Variants in UBTD2 observed in about 807,000 individuals in gnomAD.
The protein encoded by UBTD2 is ubiquitin domain-containing protein 2.
In UBTD2, 9 loss-of-function variants were observed where a neutral mutation model predicts 19.8. The ratio of observed to expected loss-of-function variants is 0.46; its 90% CI spans 0.27 to 0.79. The LOEUF (loss-of-function observed/expected upper bound fraction) is 0.79. UBTD2 is among the 30% of genes least tolerant of loss of function. UBTD2 has a pLI of 0.14. For missense variants in UBTD2, 250 were observed against 300.4 expected (o/e 0.83, Z 1.24); for synonymous variants, 98 against 103.9 (o/e 0.94, Z 0.35).
rs761170533 is a variant in UBTD2, at chr5:172,283,110, C to T, written c.70+486G>A. 6.6e-6 allele frequency among the ~76,000 whole-genome samples: 1 copy of T among 152,144 alleles called. No individual in the cohort carries two copies. The highest frequency in any genetic ancestry group is 1.5e-5 in the Non-Finnish European group (1 of 68,026). On this transcript the variant is annotated intron_variant, in intron 1 of 2. Transcript: ENST00000393792. The surrounding 1 kb of genome is among the most constrained non-coding windows in gnomAD (Gnocchi z 4.3). Reference sequence around the variant, plus strand: ...TTTAAATGGCCAATCTGGAACCAACCGGGGCAGCTGTCATCTGAAACTCAG... The same window carrying T: ...TTTAAATGGCCAATCTGGAACCAACTGGGGCAGCTGTCATCTGAAACTCAG...
intron 1 of UBTD2, among the ~76,000 whole-genome samples, chr5:172,243,970 G>C (rs1234704875): frequency 2.6e-5 from 4 of 152,014 alleles, no homozygotes. Flanking sequence ...CAGAGATCAA[G>C]AGGGTTGCCT....
chr5:172,269,739 TAA>T (rs376285062), intron 1 of UBTD2, among the ~76,000 whole-genome samples: 54 of 114,162 alleles, frequency 4.7e-4, no homozygotes, highest in Admixed American at 8.4e-4. Context: ...CATGTGCATG[TAA>T]AAAAAAAAAA....
At chr5:172,220,854 T>C (rs1771636712) in intron 2 of UBTD2, among the ~76,000 whole-genome samples, 1 of 152,182 alleles carries the variant, frequency 6.6e-6, no homozygotes, top group Non-Finnish European at 1.5e-5. Flanking sequence ...GATGACATAC[T>C]GTCTATGTAA....
In UBTD2 at chr5:172,283,475, C is replaced by G. The variant is rs1468494132; in HGVS notation, c.70+121G>C. 28 of 720,012 alleles carry G rather than the reference C, an allele frequency of 3.9e-5. No individual in the cohort carries two copies. The highest frequency in any genetic ancestry group is 5.1e-5 in the Non-Finnish European group (27 of 529,026). 44.6% of individuals were successfully genotyped at this position (720,012 alleles called of 1,614,324 possible). Reference sequence around the variant, plus strand: ...GCCGGAAGCGGAGCGCGGGGAATGACGTGGAAGAGGGGATGACAAAGGGGC... The same window carrying G: ...GCCGGAAGCGGAGCGCGGGGAATGAGGTGGAAGAGGGGATGACAAAGGGGC... On this transcript the variant is annotated intron_variant, in intron 1 of 2. Coordinates refer to ENST00000393792, the MANE Select transcript of UBTD2 (RefSeq NM_152277.3). The surrounding 1 kb of genome is among the most constrained non-coding windows in gnomAD (Gnocchi z 4.3).
intron 1 of UBTD2, chr5:172,255,526 C>A (rs1274895037): frequency 3.2e-6 from 1 of 312,060 alleles, no homozygotes; most frequent in Non-Finnish European, 6.6e-6. Context: ...CAGATCCGGG[C>A]TGCCTGGAGG....
chr5:172,274,868 C>G (rs1755576094), intron 1 of UBTD2, among the ~76,000 whole-genome samples: 1 of 152,096 alleles, frequency 6.6e-6, no homozygotes, highest in African/African-American at 2.4e-5. Flanking sequence ...AACCCCAACT[C>G]TACTAAAAAT....
chr5:172,258,672 T>G (rs1173501352), intron 1 of UBTD2, among the ~76,000 whole-genome samples: 2 of 152,208 alleles, frequency 1.3e-5, no homozygotes, highest in Non-Finnish European at 2.9e-5. Flanking sequence ...GATCTTTCAC[T>G]TCCCGCGTTG....
At chr5:172,249,983 G>A (rs1754960596) in intron 1 of UBTD2, among the ~76,000 whole-genome samples, 1 of 152,120 alleles carries the variant, frequency 6.6e-6, no homozygotes, top group Non-Finnish European at 1.5e-5. Flanking sequence ...CTAAGATTAG[G>A]ACGCCAAGGT....
intron 1 of UBTD2, among the ~76,000 whole-genome samples, chr5:172,264,822 G>A (rs1755341472): frequency 6.6e-6 from 1 of 152,098 alleles, no homozygotes; most frequent in Admixed American, 6.6e-5. Context: ...GCTGCAGTGA[G>A]CTGTGGTTGT....
At chr5:172,242,432 G>A (rs1772150984) in intron 1 of UBTD2, 1 of 985,220 alleles carries the variant, frequency 1.0e-6, no homozygotes, top group African/African-American at 1.7e-5. Context: ...ATTTGATGTA[G>A]GCCAGCATTT....
chr5:172,282,606 C>A (rs1755739632), intron 1 of UBTD2, among the ~76,000 whole-genome samples: 1 of 152,190 alleles, frequency 6.6e-6, no homozygotes, highest in Non-Finnish European at 1.5e-5. Flanking sequence ...CATTTTAAGG[C>A]AGCTAACATT....
intron 1 of UBTD2, among the ~76,000 whole-genome samples, chr5:172,267,273 C>G (rs1051193650): frequency 6.6e-6 from 1 of 152,154 alleles, no homozygotes; most frequent in Non-Finnish European, 1.5e-5. Flanking sequence ...CTTACGCCAC[C>G]AGGTCAAAAT....
chr5:172,221,538 T>C (rs1177117382), intron 2 of UBTD2, among the ~76,000 whole-genome samples: 1 of 152,062 alleles, frequency 6.6e-6, no homozygotes, highest in Non-Finnish European at 1.5e-5. Context: ...AGCCAGTAAG[T>C]CATGAAAACA....
chr5:172,242,524 T>A, intron 1 of UBTD2: 1 of 686,044 alleles, frequency 1.5e-6, no homozygotes, highest in Non-Finnish European at 1.8e-6. Flanking sequence ...ACCCTTTGTA[T>A]TAACCTATAA....
rs1299438528 is a variant in UBTD2 at position 172,210,766 on chromosome 5, C to T, written c.*1064G>A. ...TAAAAATTTTGAGTTGAAATTTCCT[C>T]TAAAAGACTGAAAATAGGCACAGTT... On this transcript the variant is annotated 3_prime_UTR_variant, in exon 3 of 3. Coordinates refer to ENST00000393792, the MANE Select transcript of UBTD2 (RefSeq NM_152277.3). 6.6e-6 allele frequency: 1 copy of T among 152,106 alleles called. No individual in the cohort carries two copies. Among genetic ancestry groups the T allele is most frequent in the African/African-American group, 2.4e-5 (1 of 41,412 alleles). The allele number at this position is 152,106 out of a possible 1,614,324, so 9.4% of individuals were successfully genotyped here.
intron 1 of UBTD2, among the ~76,000 whole-genome samples, chr5:172,263,561 G>A (rs1474636624): frequency 6.6e-6 from 1 of 152,198 alleles, no homozygotes; most frequent in Non-Finnish European, 1.5e-5. Flanking sequence ...TTGGGAGGTT[G>A]AGGCAGGCGG....
chr5:172,251,447 C>T (rs1013812768), intron 1 of UBTD2, among the ~76,000 whole-genome samples: 13 of 114,910 alleles, frequency 1.1e-4, no homozygotes, highest in Non-Finnish European at 1.9e-4. Context: ...TGCCCCAAGA[C>T]ATTATAATCA....
chr5:172,264,668 G>A (rs562838167), intron 1 of UBTD2, among the ~76,000 whole-genome samples: 1 of 152,082 alleles, frequency 6.6e-6, no homozygotes, highest in African/African-American at 2.4e-5. Flanking sequence ...GAGCCCAGGA[G>A]TTAAGAGACC....
In UBTD2 at chr5:172,211,772, A is replaced by G; in HGVS notation, c.*58T>C. The G allele has an allele frequency of 1.3e-6, 2 of 1,501,722 alleles. No homozygotes were observed. Among genetic ancestry groups the G allele is most frequent in the Non-Finnish European group, 1.8e-6 (2 of 1,122,938 alleles). 93.0% of individuals were successfully genotyped at this position (1,501,722 alleles called of 1,614,324 possible). A position where few individuals can be genotyped will look rare whatever the true frequency, so the allele number is the denominator to read the frequency against. On this transcript the variant is annotated 3_prime_UTR_variant, in exon 3 of 3. Transcript: ENST00000393792. ...ATTTCACGCCGCAGAGTAGGAAATGACAACAAGAACCATAAAAAGGAGCAG... is the reference window on the plus strand; with the variant it reads ...ATTTCACGCCGCAGAGTAGGAAATGGCAACAAGAACCATAAAAAGGAGCAG...
Sources: gnomAD v4.1 joint callset for allele counts (sites outside exome capture counted in the v4.1 genomes callset) on GRCh38, gnomAD v4.1.1 for gene constraint, Gnocchi (gnomAD v3.1) non-coding constraint, MANE v1.5 for transcripts, NCBI Gene and HGNC (gene_info 2026-07-23, HGNC 2026-07-21) for gene names.